The following LDLRAP1 variants were observed in gnomAD, a reference collection of about 807,000 sequenced individuals.
LDLRAP1 encodes the protein low density lipoprotein receptor adaptor protein 1, also known as low density lipoprotein receptor adapter protein 1.
In LDLRAP1, 30 loss-of-function variants were observed where a neutral mutation model predicts 37.8. The ratio of observed to expected loss-of-function variants is 0.79; its 90% CI spans 0.59 to 1.08. The LOEUF (loss-of-function observed/expected upper bound fraction) is 1.08, where lower values mean the gene tolerates loss of function less well. Among genes scored for constraint, LDLRAP1 ranks in the 50% least tolerant of loss-of-function variants. The pLI is 0.00. For synonymous variants in LDLRAP1, 156 were observed against 169.8 expected (o/e 0.92, Z 0.63); for missense variants, 375 against 401.6 (o/e 0.93, Z 0.57).
the LDLRAP1 span, among the ~76,000 whole-genome samples, chr1:25,584,828 C>T: frequency 2.0e-5 from 3 of 152,198 alleles, no homozygotes; most frequent in South Asian, 6.2e-4. Context: ...TTTACCCTGG[C>T]TCTGAACCCC....
At chr1:25,543,971 C>T (rs1222192300) in intron 1 of LDLRAP1, among the ~76,000 whole-genome samples, 185 bp downstream of exon 1, 1 of 152,072 alleles carries the variant, frequency 6.6e-6, no homozygotes, top group Non-Finnish European at 1.5e-5. Context: ...TGCACCTACT[C>T]GCCGGCCGCT....
At chr1:25,589,667 T>C in the LDLRAP1 span, among the ~76,000 whole-genome samples, 18 of 152,310 alleles carry the variant, frequency 1.2e-4, no homozygotes, top group African/African-American at 4.3e-4. Flanking sequence ...TCTCCCGCCC[T>C]CCAGCACTGA....
downstream of LDLRAP1, among the ~76,000 whole-genome samples, chr1:25,572,154 A>G (rs2044613283): frequency 6.6e-6 from 1 of 152,202 alleles, no homozygotes; most frequent in African/African-American, 2.4e-5. Context: ...CCCTGAGGAC[A>G]TGCCTGTCTG....
the LDLRAP1 span, among the ~76,000 whole-genome samples, chr1:25,580,731 C>T: frequency 2.4e-4 from 37 of 152,206 alleles, no homozygotes; most frequent in South Asian, 3.7e-3. Flanking sequence ...GGGCTGGTCT[C>T]GAACTCTTGG....
chr1:25,588,911 A>T, the LDLRAP1 span, among the ~76,000 whole-genome samples: 2 of 151,822 alleles, frequency 1.3e-5, no homozygotes, highest in Non-Finnish European at 1.5e-5. Context: ...TGCCATTTCC[A>T]TCTTGTCTTT....
At position 25,567,278 on chromosome 1, in the gene LDLRAP1, G is replaced by T; in HGVS notation, c.*286G>T. 2.0e-6 allele frequency: 1 copy of T among 492,366 alleles called. No individual in the cohort carries two copies. Among genetic ancestry groups the T allele is most frequent in the Non-Finnish European group, 3.7e-6 (1 of 267,432 alleles). 30.5% of individuals were successfully genotyped at this position (492,366 alleles called of 1,614,324 possible). A position where few individuals can be genotyped will look rare whatever the true frequency, so the allele number is the denominator to read the frequency against. ...CGTCTCCTGCTGCGTGACATGTGCA[G>T]TGCTGTAATCGGCTCCCGCTTGCTC... On this transcript the variant is annotated 3_prime_UTR_variant, in exon 9 of 9. Transcript: ENST00000374338.
downstream of LDLRAP1, among the ~76,000 whole-genome samples, chr1:25,572,712 G>A (rs558794805): frequency 3.3e-5 from 5 of 152,194 alleles, no homozygotes; most frequent in Admixed American, 1.3e-4. Context: ...GTAAAGGAGA[G>A]AGAAGTCCCT....
chr1:25,563,719 G>A lies in LDLRAP1; in HGVS notation c.675G>A (p.Thr225=), dbSNP rs926407411. ...AGACAGCTAAGGCCCCGCTGTCCAC[G>A]GTCAGCGCCAACACCACCAACATGG... ...LEETAKAPLS[T]VSANTTNMDE... Residue 225 remains threonine (T), a synonymous_variant, in exon 7 of 9, where the codon ACG becomes ACA. Transcript: ENST00000374338. 13 of 1,613,852 alleles carry A rather than the reference G, an allele frequency of 8.1e-6. No individual in the cohort carries two copies. The highest frequency in any genetic ancestry group is 1.6e-4 in the Middle Eastern group (1 of 6,082).
chr1:25,579,827 C>G, the LDLRAP1 span, among the ~76,000 whole-genome samples: 2 of 152,048 alleles, frequency 1.3e-5, no homozygotes, highest in African/African-American at 4.8e-5. Context: ...ACCACAGCTG[C>G]TAGATTCTCA....
intron 1 of LDLRAP1, 59 bp from the exon 2 acceptor site, chr1:25,553,863 T>G: frequency 6.3e-7 from 1 of 1,599,254 alleles, no homozygotes; most frequent in Non-Finnish European, 8.5e-7. Flanking sequence ...TGGTGAGAGC[T>G]GTTGCTGGTG....
At chr1:25,550,166 G>A (rs1203518243) in intron 1 of LDLRAP1, 1 of 152,224 alleles carries the variant, frequency 6.6e-6, no homozygotes. Flanking sequence ...CCCACTGGAA[G>A]GTGTACTGAG....
the LDLRAP1 span, among the ~76,000 whole-genome samples, chr1:25,586,854 C>G: frequency 6.6e-6 from 1 of 152,262 alleles, no homozygotes; most frequent in African/African-American, 2.4e-5. The surrounding 1 kb of genome is among the most constrained non-coding windows in gnomAD (Gnocchi z 4.3). Context: ...TGAACCCTGA[C>G]TCTAGTTCTA....
At chr1:25,572,991 C>T (rs566841551), downstream of LDLRAP1, among the ~76,000 whole-genome samples, 303 of 152,152 alleles carry the variant, frequency 2.0e-3, 2 homozygotes, top group African/African-American at 6.2e-3. Context: ...CAATCCCAGA[C>T]GGCCGATTTT....
Position 25,567,029 on chromosome 1 carries a change from C to T in LDLRAP1, c.*37C>T, listed in dbSNP as rs535891352. 4 of 1,612,536 alleles carry T rather than the reference C, an allele frequency of 2.5e-6. No homozygotes were observed. The highest frequency in any genetic ancestry group is 3.3e-5 in the Admixed American group (2 of 60,012). On this transcript the variant is annotated 3_prime_UTR_variant, in exon 9 of 9. Coordinates refer to ENST00000374338, the MANE Select transcript of LDLRAP1 (RefSeq NM_015627.3). Reference sequence around the variant, plus strand: ...CAGCCGGACACAAGCGGCCCTGACACGTGATGGACCAAAGCCACCTGCTGC... The same window carrying T: ...CAGCCGGACACAAGCGGCCCTGACATGTGATGGACCAAAGCCACCTGCTGC...
At chr1:25,569,788 C>G (rs927817537), downstream of LDLRAP1, among the ~76,000 whole-genome samples, 5 of 152,202 alleles carry the variant, frequency 3.3e-5, no homozygotes, top group Non-Finnish European at 7.3e-5. Flanking sequence ...CATTAGCTCC[C>G]GTTACTGCTG....
chr1:25,554,718 G>A lies in LDLRAP1; in HGVS notation c.232-142G>A. ...TTTCTATTGCAAGAAGGTGCTGGCTGAGTGGTCTTGCCCACACTGCTGCCA... is the reference window on the plus strand; with the variant it reads ...TTTCTATTGCAAGAAGGTGCTGGCTAAGTGGTCTTGCCCACACTGCTGCCA... On this transcript the variant is annotated intron_variant, in intron 2 of 8. Coordinates refer to ENST00000374338, the MANE Select transcript of LDLRAP1 (RefSeq NM_015627.3). The surrounding 1 kb of genome is among the most constrained non-coding windows in gnomAD (Gnocchi z 5.4). The A allele has an allele frequency of 1.4e-6, 1 of 704,012 alleles. No homozygotes were observed. Among genetic ancestry groups the A allele is most frequent in the South Asian group, 1.5e-5 (1 of 66,834 alleles). 43.6% of individuals were successfully genotyped at this position (704,012 alleles called of 1,614,324 possible).
At chr1:25,582,783 T>A in the LDLRAP1 span, among the ~76,000 whole-genome samples, 41 of 152,098 alleles carry the variant, frequency 2.7e-4, no homozygotes, top group East Asian at 7.2e-3. Context: ...ATTTAAAGTA[T>A]ACAATGAGCC....
At chr1:25,571,560 C>T (rs1230744150), downstream of LDLRAP1, among the ~76,000 whole-genome samples, 1 of 152,214 alleles carries the variant, frequency 6.6e-6, no homozygotes, top group Non-Finnish European at 1.5e-5. Context: ...GTATTGTTAG[C>T]CCATTTTAGA....
the LDLRAP1 span, among the ~76,000 whole-genome samples, chr1:25,585,364 C>T: frequency 1.7e-4 from 26 of 149,872 alleles, no homozygotes; most frequent in South Asian, 1.9e-3. Flanking sequence ...CTCACTCTGT[C>T]GCCCAGGCTG....
Sources: gnomAD v4.1 joint callset for allele counts (sites outside exome capture counted in the v4.1 genomes callset) on GRCh38, gnomAD v4.1.1 for gene constraint, Gnocchi (gnomAD v3.1) non-coding constraint, MANE v1.5 for transcripts, NCBI Gene and HGNC (gene_info 2026-07-23, HGNC 2026-07-21) for gene names.